The following CACNA1C variants were observed in gnomAD, a reference collection of about 807,000 sequenced individuals.
CACNA1C encodes calcium voltage-gated channel subunit alpha1 C, also known as voltage-dependent L-type calcium channel subunit alpha-1C.
Under a neutral mutation model 229.0 loss-of-function variants are expected in CACNA1C, and 30 were observed. The observed-to-expected ratio is 0.13, with a 90% CI of 0.10 to 0.18. The LOEUF (loss-of-function observed/expected upper bound fraction) is 0.18. CACNA1C is among the 10% of genes least tolerant of loss of function. CACNA1C has a pLI of 1.00. For missense variants in CACNA1C, 1,658 were observed against 2,845.0 expected, an observed-to-expected ratio of 0.58 and a Z score of 9.49; for synonymous variants, 1,114 against 1,132.5, an observed-to-expected ratio of 0.98 and a Z score of 0.33.
At chr12:2,641,546 G>A (rs758851500) in intron 30 of CACNA1C, 8 of 594,050 alleles carry the variant, frequency 1.3e-5, no homozygotes, top group Admixed American at 8.2e-5. Flanking sequence ...TGTTGCCCTC[G>A]GAGTCCCTTC....
intron 1 of CACNA1C, among the ~76,000 whole-genome samples, chr12:2,076,291 A>G (rs2063155003): frequency 1.3e-5 from 2 of 152,230 alleles, no homozygotes; most frequent in African/African-American, 4.8e-5. Context: ...TAGGGCAGAA[A>G]CTTGCAGAGC....
intron 3 of CACNA1C, among the ~76,000 whole-genome samples, chr12:2,166,864 G>A (rs1249089375): frequency 6.6e-6 from 1 of 152,204 alleles, no homozygotes; most frequent in African/African-American, 2.4e-5. Flanking sequence ...AGGCTTCTGA[G>A]TGTGGGAGTG....
chr12:2,182,410 GT>G (rs1044988385), intron 3 of CACNA1C, among the ~76,000 whole-genome samples: 24 of 151,822 alleles, frequency 1.6e-4, no homozygotes, highest in African/African-American at 4.8e-4. Context: ...TCCTTATGGG[GT>G]TTTTTTCCCC....
chr12:2,454,808 C>T (rs929573877), intron 4 of CACNA1C, among the ~76,000 whole-genome samples: 38 of 152,234 alleles, frequency 2.5e-4, no homozygotes, highest in Non-Finnish European at 3.2e-4. Flanking sequence ...CCGTCTCCTT[C>T]CCCTTTCACG....
At chr12:2,451,257 G>C (rs929083741) in intron 4 of CACNA1C, among the ~76,000 whole-genome samples, 1 of 152,178 alleles carries the variant, frequency 6.6e-6, no homozygotes, top group Non-Finnish European at 1.5e-5. Context: ...GTAAACCATA[G>C]CAAAAGTCCT....
intron 3 of CACNA1C, among the ~76,000 whole-genome samples, chr12:2,349,340 G>T (rs1161197123): frequency 1.3e-5 from 2 of 152,206 alleles, no homozygotes; most frequent in Non-Finnish European, 2.9e-5. Flanking sequence ...TTTGGGTGGG[G>T]TTCTAACTGG....
chr12:2,300,835 C>A (rs2094499383), intron 3 of CACNA1C, among the ~76,000 whole-genome samples: 1 of 152,074 alleles, frequency 6.6e-6, no homozygotes, highest in African/African-American at 2.4e-5. Flanking sequence ...CTGGGGGAGC[C>A]TGTTGGGAGA....
chr12:2,449,381 A>G (rs2099331377), intron 4 of CACNA1C, among the ~76,000 whole-genome samples: 1 of 152,218 alleles, frequency 6.6e-6, no homozygotes, highest in African/African-American at 2.4e-5. Flanking sequence ...AGGAGGGGTC[A>G]GGCTTCTCCC....
intron 3 of CACNA1C, among the ~76,000 whole-genome samples, chr12:2,291,655 G>T (rs574257723): frequency 6.6e-6 from 1 of 152,304 alleles, no homozygotes; most frequent in African/African-American, 2.4e-5. Flanking sequence ...AGAGCTAGAG[G>T]CCACTTGCAA....
At chr12:2,416,085 G>A (rs761871265) in intron 3 of CACNA1C, among the ~76,000 whole-genome samples, 7 of 152,250 alleles carry the variant, frequency 4.6e-5, no homozygotes, top group South Asian at 2.1e-4. Context: ...CTTGTCCTGC[G>A]GGTCCCAGCT....
At chr12:2,593,103 A>G in intron 18 of CACNA1C, 110 bp from the exon 19 acceptor site, 1 of 1,226,970 alleles carries the variant, frequency 8.2e-7, no homozygotes, top group Non-Finnish European at 1.1e-6. Flanking sequence ...CTTGGTTGGT[A>G]CCCTACATTT....
intron 9 of CACNA1C, among the ~76,000 whole-genome samples, chr12:2,547,078 A>G (rs2099882676): frequency 6.6e-6 from 1 of 152,292 alleles, no homozygotes; most frequent in African/African-American, 2.4e-5. Context: ...ACCCCGCTTG[A>G]GCCTGCAAAG....
Position 1,971,658 on chromosome 12 carries a change from T to A in CACNA1C, c.139+457T>A, listed in dbSNP as rs1273741017. ...GCTGGTCAAATTTTAAGAGGCTAGT[T>A]AAGGGGCCATTAAAGGCAGTGTCAT... On this transcript the variant is annotated intron_variant, in intron 1 of 46. Coordinates refer to the CACNA1C transcript ENST00000682462. This position sits in a 1 kb window ranked among gnomAD's most constrained non-coding sequence, Gnocchi z 4.2. 6.6e-6 allele frequency among the ~76,000 whole-genome samples: 1 copy of A among 152,228 alleles called. No homozygotes were observed. The highest frequency in any genetic ancestry group is 1.5e-5 in the Non-Finnish European group (1 of 68,034).
chr12:2,117,018 C>G (rs991063714), intron 2 of CACNA1C, among the ~76,000 whole-genome samples: 2 of 152,218 alleles, frequency 1.3e-5, no homozygotes, highest in Non-Finnish European at 2.9e-5. Flanking sequence ...CCTGTAATCC[C>G]AGCACTTTGG....
chr12:2,077,312 G>T (rs2238022), intron 1 of CACNA1C, among the ~76,000 whole-genome samples: 115,745 of 152,156 alleles, frequency 0.76, 44,408 homozygotes, highest in Middle Eastern at 0.83. Flanking sequence ...GTTTTCTTCT[G>T]TCTTTTTCAA....
chr12:2,534,439 C>T (rs117455208), intron 9 of CACNA1C, among the ~76,000 whole-genome samples: 1,605 of 152,322 alleles, frequency 0.011, 16 homozygotes, highest in Non-Finnish European at 0.017. Flanking sequence ...GAGAGAATTA[C>T]GTGTGGGCTT....
intron 42 of CACNA1C, among the ~76,000 whole-genome samples, chr12:2,681,698 C>A (rs1019613532): frequency 7.3e-5 from 11 of 151,476 alleles, no homozygotes; most frequent in African/African-American, 2.5e-4. Flanking sequence ...AGTCTGCAGT[C>A]CTCCTCCTCG....
At chr12:2,097,159 T>TA (rs2074352319) in intron 1 of CACNA1C, among the ~76,000 whole-genome samples, 3 of 152,184 alleles carry the variant, frequency 2.0e-5, no homozygotes, top group Non-Finnish European at 4.4e-5. Context: ...TTTATTTATT[T>TA]TTTTGAGATG....
At position 2,694,734 on chromosome 12, in the gene CACNA1C, G is replaced by T. The variant is rs936447388; in HGVS notation, c.*3535G>T. 6.6e-6 allele frequency: 1 copy of T among 152,248 alleles called. No individual in the cohort carries two copies. The highest frequency in any genetic ancestry group is 2.4e-5 in the African/African-American group (1 of 41,446). 9.4% of individuals were successfully genotyped at this position (152,248 alleles called of 1,614,324 possible). ...TGAAGACAGTGGGGCAACCTCAGGA[G>T]AAGCAGACCTTTCCATGCCCAAGTT... On this transcript the variant is annotated 3_prime_UTR_variant, in exon 47 of 47. Coordinates refer to ENST00000399655, the MANE Select transcript of CACNA1C (RefSeq NM_000719.7).
Sources: allele counts gnomAD v4.1 joint callset (sites outside exome capture counted in the v4.1 genomes callset), GRCh38; gene constraint gnomAD v4.1.1; non-coding constraint Gnocchi (gnomAD v3.1); transcripts MANE v1.5; gene names NCBI Gene and HGNC (gene_info 2026-07-23, HGNC 2026-07-21).